CTNNA3: variants seen among roughly 807,000 people sequenced by gnomAD.
CTNNA3 encodes the protein catenin alpha-3.
Under a neutral mutation model 95.7 loss-of-function variants are expected in CTNNA3, and 76 were observed. That is an observed-to-expected ratio of 0.79 (90% CI 0.66 to 0.96). The LOEUF (loss-of-function observed/expected upper bound fraction) is 0.96. CTNNA3 is among the 40% of genes least tolerant of loss of function. The pLI is 0.00. For missense variants in CTNNA3, 1,191 were observed against 1,089.8 expected, an observed-to-expected ratio of 1.09 and a Z score of -1.31; for synonymous variants, 431 against 374.4, an observed-to-expected ratio of 1.15 and a Z score of -1.74.
intron 7 of CTNNA3, among the ~76,000 whole-genome samples, chr10:67,066,605 A>G (rs990874485): frequency 2.0e-5 from 3 of 151,324 alleles, no homozygotes; most frequent in Non-Finnish European, 4.4e-5. Context: ...TAGACTGACA[A>G]CCTCTGCAGC....
chr10:67,194,072 T>C (rs976024752), intron 6 of CTNNA3, among the ~76,000 whole-genome samples: 4 of 152,042 alleles, frequency 2.6e-5, no homozygotes, highest in African/African-American at 9.7e-5. Context: ...GATGCTGAGC[T>C]TTTTTAAAAC....
At chr10:66,254,137 C>A (rs928005031) in intron 13 of CTNNA3, among the ~76,000 whole-genome samples, 3 of 152,144 alleles carry the variant, frequency 2.0e-5, no homozygotes, top group Non-Finnish European at 4.4e-5. Context: ...GACAACACTA[C>A]TAAATACACT....
intron 11 of CTNNA3, among the ~76,000 whole-genome samples, chr10:66,400,934 G>C (rs987712525): frequency 6.6e-6 from 1 of 152,082 alleles, no homozygotes; most frequent in African/African-American, 2.4e-5. Context: ...CCTACTGTCT[G>C]ATAAGTACTG....
At chr10:66,923,209 G>C (rs923199331) in intron 7 of CTNNA3, among the ~76,000 whole-genome samples, 2 of 152,234 alleles carry the variant, frequency 1.3e-5, no homozygotes, top group Non-Finnish European at 2.9e-5. Flanking sequence ...AGAGCAATGT[G>C]TGTAACACAG....
chr10:67,064,285 A>G (rs1855934600), intron 7 of CTNNA3, among the ~76,000 whole-genome samples: 1 of 152,126 alleles, frequency 6.6e-6, no homozygotes, highest in Non-Finnish European at 1.5e-5. Flanking sequence ...CTGAAGCTAC[A>G]CTATGTATTA....
intron 5 of CTNNA3, among the ~76,000 whole-genome samples, chr10:67,426,753 T>C (rs998316354): frequency 1.3e-5 from 2 of 151,608 alleles, no homozygotes; most frequent in African/African-American, 2.4e-5. Flanking sequence ...CATGTATACC[T>C]ATGTAACAAA....
At position 67,411,170 on chromosome 10, in the gene CTNNA3, C is replaced by T. The variant is rs138458979; in HGVS notation, c.579+110672G>A. ...ACAGTTAATGGCAATGAGTTGTGTA[C>T]CTTAAATTTCCAAAGACAGCAGATT... On this transcript the variant is annotated intron_variant, in intron 5 of 17. Transcript: ENST00000433211. Among the ~76,000 whole-genome samples, 266 of 152,056 alleles carry T rather than the reference C, an allele frequency of 1.7e-3. 2 individuals are homozygous for T. Among genetic ancestry groups the T allele is most frequent in the African/African-American group, 6.2e-3 (257 of 41,476 alleles).
intron 1 of CTNNA3, among the ~76,000 whole-genome samples, chr10:67,653,043 G>C (rs1328761637): frequency 6.6e-6 from 1 of 152,106 alleles, no homozygotes; most frequent in East Asian, 1.9e-4. Context: ...TATTTAATTG[G>C]CTCATGGTTC....
chr10:66,310,459 C>A lies in CTNNA3; in HGVS notation c.1733-29838G>T, dbSNP rs183295315. ...TTTCTATAAATTGCCTTTATTTGGG[C>A]AATAATAGATGATAATTTGTCTGGA... On this transcript the variant is annotated intron_variant, in intron 12 of 17. Coordinates refer to ENST00000433211, the MANE Select transcript of CTNNA3 (RefSeq NM_013266.4). Among the ~76,000 whole-genome samples the A allele has an allele frequency of 1.2e-4, 18 of 152,120 alleles. No individual in the cohort carries two copies. In the East Asian group the frequency reaches 3.1e-3, roughly 26 times the overall value.
chr10:66,833,527 T>C (rs1842794154), intron 7 of CTNNA3, among the ~76,000 whole-genome samples: 1 of 152,150 alleles, frequency 6.6e-6, no homozygotes, highest in Non-Finnish European at 1.5e-5. Context: ...AGTAAACAAG[T>C]CAGGGTTTAT....
At chr10:67,546,575 T>G (rs532737513) in intron 3 of CTNNA3, among the ~76,000 whole-genome samples, 26 of 152,326 alleles carry the variant, frequency 1.7e-4, no homozygotes, top group African/African-American at 6.3e-4. Flanking sequence ...CAATCCATAT[T>G]GTAAACCAGT....
intron 16 of CTNNA3, among the ~76,000 whole-genome samples, chr10:65,985,030 C>T (rs1165583465): frequency 6.0e-5 from 9 of 150,814 alleles, no homozygotes; most frequent in East Asian, 5.8e-4. Flanking sequence ...TAAAGTAACA[C>T]GGAAAAGACA....
intron 7 of CTNNA3, among the ~76,000 whole-genome samples, chr10:66,887,799 A>G (rs532427724): frequency 6.6e-6 from 1 of 152,268 alleles, no homozygotes; most frequent in Non-Finnish European, 1.5e-5. Flanking sequence ...TCCTAGGAGG[A>G]AGGCCCAGGA....
At chr10:66,652,558 C>T (rs1845948221) in intron 9 of CTNNA3, among the ~76,000 whole-genome samples, 1 of 152,078 alleles carries the variant, frequency 6.6e-6, no homozygotes, top group Non-Finnish European at 1.5e-5. Context: ...TTTTATCAAA[C>T]ATTTAAAGAA....
intron 17 of CTNNA3, among the ~76,000 whole-genome samples, chr10:65,941,526 T>G (rs949975016): frequency 2.6e-5 from 4 of 152,100 alleles, no homozygotes; most frequent in African/African-American, 4.8e-5. Flanking sequence ...GTCTGCATTT[T>G]CCCCCCAGGC....
chr10:65,966,475 GTACTTT>G (rs2077967769), intron 17 of CTNNA3, 131 bp downstream of exon 17: 1 of 602,656 alleles, frequency 1.7e-6, no homozygotes, highest in African/African-American at 1.9e-5. Context: ...TTAAATACAT[GTACTTT>G]TAATAAAAAC....
chr10:66,767,555 C>T (rs938986508), intron 8 of CTNNA3, among the ~76,000 whole-genome samples: 2 of 151,598 alleles, frequency 1.3e-5, no homozygotes, highest in African/African-American at 4.9e-5. Flanking sequence ...TCATATAGTT[C>T]AATAACCTCT....
In CTNNA3 at chr10:67,314,912, T is replaced by C. The variant is rs576148258; in HGVS notation, c.580-95042A>G. Among the ~76,000 whole-genome samples, 8 of 152,340 alleles carry C rather than the reference T, an allele frequency of 5.3e-5. No homozygotes were observed. The East Asian group carries it at 1.2e-3, about 22-fold the overall frequency. On this transcript the variant is annotated intron_variant, in intron 5 of 17. Coordinates refer to ENST00000433211, the MANE Select transcript of CTNNA3 (RefSeq NM_013266.4). ...ATCAGCGACCCAAATGACTTCTAAG[T>C]GGCCCATTCCAATGTTCAAGTTTCA...
At chr10:67,072,211 C>G (rs1417860959) in intron 7 of CTNNA3, among the ~76,000 whole-genome samples, 1 of 152,184 alleles carries the variant, frequency 6.6e-6, no homozygotes, top group African/African-American at 2.4e-5. Flanking sequence ...ACCTTAGCCT[C>G]CCAAAGTGCT....
Sources: gnomAD v4.1 joint callset for allele counts (sites outside exome capture counted in the v4.1 genomes callset) on GRCh38, gnomAD v4.1.1 for gene constraint, MANE v1.5 for transcripts, NCBI Gene and HGNC (gene_info 2026-07-23, HGNC 2026-07-21) for gene names.